The following SLC14A2 variants were observed in gnomAD, a reference collection of about 807,000 sequenced individuals.
SLC14A2 encodes the protein solute carrier family 14 member 2, also known as urea transporter 2.
Under a neutral mutation model 104.6 loss-of-function variants are expected in SLC14A2, and 91 were observed. The observed-to-expected ratio is 0.87, with a 90% CI of 0.73 to 1.04. SLC14A2 has a LOEUF of 1.04. SLC14A2 is among the 50% of genes least tolerant of loss of function. The pLI is 0.00. For synonymous variants in SLC14A2, 476 were observed against 466.4 expected (o/e 1.02, Z -0.27); for missense variants, 1,189 against 1,156.0 (o/e 1.03, Z -0.41).
chr18:45,534,885 C>T (rs1409266166), intron 2 of SLC14A2, among the ~76,000 whole-genome samples: 2 of 152,146 alleles, frequency 1.3e-5, no homozygotes, highest in Non-Finnish European at 2.9e-5. Context: ...CACAGGGCAT[C>T]TTTGTAGTCA....
intron 12 of SLC14A2, 66 bp downstream of exon 12, chr18:45,666,285 G>T: frequency 9.6e-7 from 1 of 1,039,536 alleles, no homozygotes; most frequent in Non-Finnish European, 1.5e-6. Context: ...GCAGATGAGG[G>T]AGCTGAGAGC....
chr18:45,494,860 G>A (rs1172339898), intron 2 of SLC14A2, among the ~76,000 whole-genome samples: 1 of 151,400 alleles, frequency 6.6e-6, no homozygotes, highest in South Asian at 2.1e-4. Context: ...CCCGTTCTTG[G>A]TCTAAGGAAG....
intron 8 of SLC14A2, among the ~76,000 whole-genome samples, chr18:45,642,730 G>C (rs371957799): frequency 5.3e-5 from 8 of 151,998 alleles, no homozygotes; most frequent in East Asian, 3.9e-4. Context: ...TGAATAGGAG[G>C]GACCTTGGCA....
intron 2 of SLC14A2, among the ~76,000 whole-genome samples, chr18:45,608,346 A>G (rs1023734197): frequency 3.9e-5 from 6 of 152,198 alleles, no homozygotes; most frequent in African/African-American, 1.2e-4. Flanking sequence ...TACCCACTAT[A>G]TACAGTACAC....
chr18:45,667,068 T>A lies in SLC14A2; in HGVS notation c.1691T>A (p.Met564Lys). The change falls in exon 13 of 20, where the codon ATG becomes AAG. Residue 564 changes from methionine to lysine, a missense_variant. By Grantham distance (95) the Met-to-Lys change is moderately conservative (BLOSUM62 -1). Transcript: ENST00000255226. ...SKALSYITGEMKECGEGLKDK... is the reference protein window; with the variant it reads ...SKALSYITGEKKECGEGLKDK... ...GCCCTCAGCTACATCACAGGAGAGA[T>A]GAAGGAGTGTGGAGAGGGACTTAAA... 1.2e-6 allele frequency: 2 copies of A among 1,613,784 alleles called. No homozygotes were observed. The highest frequency in any genetic ancestry group is 1.7e-6 in the Non-Finnish European group (2 of 1,179,816).
intron 1 of SLC14A2, among the ~76,000 whole-genome samples, chr18:45,343,910 TTA>T (rs1306816253): frequency 1.3e-5 from 2 of 152,162 alleles, no homozygotes; most frequent in African/African-American, 4.8e-5. Flanking sequence ...CAATATCTGA[TTA>T]TATGAGACCT....
rs149917953 is a variant in SLC14A2 at position 45,532,104 on chromosome 18, C to A, written c.-35+48782C>A. Among the ~76,000 whole-genome samples the A allele has an allele frequency of 9.7e-4, 148 of 152,268 alleles. 1 individual carries two copies. Among genetic ancestry groups the A allele is most frequent in the African/African-American group, 3.2e-3 (135 of 41,554 alleles). ...TACCATGCTGTTTTTGTTACTGTAG[C>A]TTTGTAGTATAGTTTGAAGTCAGGT... is the stretch of plus-strand genomic sequence containing the variant. On this transcript the variant is annotated intron_variant, in intron 2 of 20. Coordinates refer to the SLC14A2 transcript ENST00000586448.
At chr18:45,566,642 C>G (rs1186913917) in intron 2 of SLC14A2, among the ~76,000 whole-genome samples, 1 of 152,158 alleles carries the variant, frequency 6.6e-6, no homozygotes, top group Admixed American at 6.6e-5. Flanking sequence ...TTCAGCCAGC[C>G]AGTTGCTGAT....
chr18:45,625,609 C>T (rs2045244821), intron 2 of SLC14A2, 74 bp from the exon 3 acceptor site: 14 of 1,279,226 alleles, frequency 1.1e-5, no homozygotes, highest in East Asian at 2.7e-5. Flanking sequence ...AAACCTGCCA[C>T]CCTCCTCTAT....
chr18:45,600,652 G>A (rs1285999974), intron 2 of SLC14A2, among the ~76,000 whole-genome samples: 2 of 152,172 alleles, frequency 1.3e-5, no homozygotes, highest in Non-Finnish European at 2.9e-5. Flanking sequence ...ATGAGGAAGA[G>A]GCTGGGCAGG....
At chr18:45,549,533 T>C (rs1363054979) in intron 2 of SLC14A2, among the ~76,000 whole-genome samples, 1 of 152,192 alleles carries the variant, frequency 6.6e-6, no homozygotes, top group African/African-American at 2.4e-5. Context: ...AAGAAATCCG[T>C]TCTACCTCAC....
intron 19 of SLC14A2, among the ~76,000 whole-genome samples, chr18:45,679,270 G>A (rs965046744): frequency 1.3e-5 from 2 of 152,218 alleles, no homozygotes; most frequent in Admixed American, 6.5e-5. Flanking sequence ...GAGGAAATTT[G>A]AGGAGCATTA....
the SLC14A2 span, among the ~76,000 whole-genome samples, chr18:45,206,172 A>G: frequency 6.6e-6 from 1 of 152,230 alleles, no homozygotes; most frequent in Non-Finnish European, 1.5e-5. Context: ...CCAGATGGTG[A>G]TGAAATCAAG....
intron 1 of SLC14A2, among the ~76,000 whole-genome samples, chr18:45,471,964 G>T (rs1475427403): frequency 1.3e-5 from 2 of 152,022 alleles, no homozygotes; most frequent in Non-Finnish European, 2.9e-5. Context: ...TGCCATGGTG[G>T]TTTGCTGCAC....
chr18:45,456,591 G>C (rs2086947748), intron 1 of SLC14A2, among the ~76,000 whole-genome samples: 1 of 152,190 alleles, frequency 6.6e-6, no homozygotes, highest in Admixed American at 6.5e-5. Context: ...AGAGCAATGT[G>C]TTCTCACACT....
At chr18:45,389,558 TGGATTAAGTTAATA>T (rs1226402512) in intron 1 of SLC14A2, among the ~76,000 whole-genome samples, 16 of 152,232 alleles carry the variant, frequency 1.1e-4, no homozygotes, top group Admixed American at 1.0e-3. Flanking sequence ...CTTTCTTTCT[TGGATTAAGTTAATA>T]GGTTAAAAAG....
intron 1 of SLC14A2, among the ~76,000 whole-genome samples, chr18:45,343,487 G>A (rs927819358): frequency 6.6e-6 from 1 of 151,992 alleles, no homozygotes; most frequent in South Asian, 2.1e-4. Flanking sequence ...GTGACACAGG[G>A]AGAGTTCGAA....
intron 2 of SLC14A2, among the ~76,000 whole-genome samples, chr18:45,531,217 T>A (rs1348778022): frequency 6.6e-6 from 1 of 152,224 alleles, no homozygotes; most frequent in African/African-American, 2.4e-5. Flanking sequence ...ATATACCCAG[T>A]AATGGGATGG....
chr18:45,593,486 CTTTTTTTT>C (rs1172271684), intron 2 of SLC14A2, among the ~76,000 whole-genome samples: 1 of 88,786 alleles, frequency 1.1e-5, no homozygotes, highest in African/African-American at 4.7e-5. Flanking sequence ...TTTCCTTAAT[CTTTTTTTT>C]TTTTTTTTTT....
Sources: gnomAD v4.1 joint callset for allele counts (sites outside exome capture counted in the v4.1 genomes callset) on GRCh38, gnomAD v4.1.1 for gene constraint, MANE v1.5 for transcripts, NCBI Gene and HGNC (gene_info 2026-07-23, HGNC 2026-07-21) for gene names.